The following PNLIPRP1 variants were observed in gnomAD, a reference collection of about 807,000 sequenced individuals.
PNLIPRP1 encodes the protein pancreatic lipase related protein 1.
Under a neutral mutation model 54.6 loss-of-function variants are expected in PNLIPRP1, and 57 were observed. The observed-to-expected ratio is 1.04, with a 90% CI of 0.84 to 1.30. The LOEUF (loss-of-function observed/expected upper bound fraction) is 1.30. PNLIPRP1 is among the 50% of genes most tolerant of loss of function. PNLIPRP1 has a pLI of 0.00. For missense variants in PNLIPRP1, 567 were observed against 568.5 expected (o/e 1.00, Z 0.03); for synonymous variants, 232 against 208.8 (o/e 1.11, Z -0.96).
At chr10:116,607,869 G>A (rs1006370007) in intron 12 of PNLIPRP1, among the ~76,000 whole-genome samples, 21 of 152,186 alleles carry the variant, frequency 1.4e-4, no homozygotes, top group African/African-American at 4.8e-4. Context: ...GTGGGAGAAT[G>A]ACTGAGATGG....
Position 116,597,918 on chromosome 10 carries a change from C to A in PNLIPRP1, c.665C>A (p.Thr222Lys). 1 of 1,614,226 alleles carries A rather than the reference C, an allele frequency of 6.2e-7. No individual in the cohort carries two copies. Among genetic ancestry groups the A allele is most frequent in the Non-Finnish European group, 8.5e-7 (1 of 1,180,032 alleles). Residue 222 changes from threonine to lysine, a missense_variant, in exon 7 of 13, where the codon ACG becomes AAG. Physicochemically the swap from Thr to Lys is moderately conservative, Grantham distance 78 (BLOSUM62 -1). Coordinates refer to ENST00000358834, the MANE Select transcript of PNLIPRP1 (RefSeq NM_006229.4). ...GCTGACTTTGTTGATGTGATTCACA[C>A]GGATGCAGCTCCCCTGATCCCATTC... ...SDADFVDVIH[T>K]DAAPLIPFLG...
intron 5 of PNLIPRP1, 77 bp from the exon 6 acceptor site, chr10:116,596,137 G>A (rs775825078): frequency 6.0e-5 from 57 of 946,288 alleles, no homozygotes; most frequent in East Asian, 4.6e-4. Flanking sequence ...TTCAGCAGAG[G>A]AGTAATATCC....
chr10:116,592,005 T>G, intron 3 of PNLIPRP1, 80 bp downstream of exon 3: 6 of 1,466,268 alleles, frequency 4.1e-6, no homozygotes, highest in Non-Finnish European at 5.6e-6. Context: ...ACCTTATCTC[T>G]GTGCCCTCTT....
At chr10:116,600,327 G>C (rs1554864603) in intron 9 of PNLIPRP1, 162 bp downstream of exon 9, 1 of 547,708 alleles carries the variant, frequency 1.8e-6, no homozygotes, top group African/African-American at 1.9e-5. Context: ...AACAACTTTT[G>C]GCAGGAGATG....
rs1847764054 is a variant in PNLIPRP1, at chr10:116,597,882, A to T, written c.629A>T (p.Asp210Val). 1 of 1,614,054 alleles carries T rather than the reference A, an allele frequency of 6.2e-7. No homozygotes were observed. Among genetic ancestry groups the T allele is most frequent in the Non-Finnish European group, 8.5e-7 (1 of 1,180,038 alleles). Reference sequence around the variant, plus strand: ...AGTACTCCTGAAGAGGTGCGACTTGATCCCTCTGATGCTGACTTTGTTGAT... The same window carrying T: ...AGTACTCCTGAAGAGGTGCGACTTGTTCCCTCTGATGCTGACTTTGTTGAT... Reference protein sequence around the residue: ...FESTPEEVRLDPSDADFVDVI... With the variant: ...FESTPEEVRLVPSDADFVDVI... Residue 210 changes from aspartate to valine, a missense_variant, in exon 7 of 13, where the codon GAT becomes GTT. Physicochemically the swap from Asp to Val is radical, Grantham distance 152 (BLOSUM62 -3). Transcript: ENST00000358834.
intron 11 of PNLIPRP1, among the ~76,000 whole-genome samples, chr10:116,604,685 T>TTC (rs1847907732): frequency 7.0e-6 from 1 of 142,632 alleles, no homozygotes; most frequent in South Asian, 2.3e-4. Context: ...CTCTCTCTTT[T>TTC]TTTTTTTTTT....
At chr10:116,591,320 G>C (rs571401712) in intron 2 of PNLIPRP1, 142 bp downstream of exon 2, 8 of 662,214 alleles carry the variant, frequency 1.2e-5, no homozygotes, top group South Asian at 1.9e-5. Context: ...CTGCCTGGGA[G>C]AGTAGGCTGG....
intron 11 of PNLIPRP1, 151 bp from the exon 12 acceptor site, chr10:116,605,235 T>G (rs550358643): frequency 2.0e-6 from 1 of 491,150 alleles, no homozygotes; most frequent in East Asian, 3.1e-5. Context: ...TGCTAGCATA[T>G]AGCTGGCTTT....
chr10:116,604,110 G>C lies in PNLIPRP1; in HGVS notation c.1144G>C (p.Gly382Arg). Residue 382 changes from glycine (G) to arginine (R), a missense_variant, in exon 11 of 13, where the codon GGA becomes CGA. Transcript: ENST00000358834. Reference sequence around the variant, plus strand: ...CAAAGTTGCTTTGTTTGGAAATAAGGGAAACACTCACCAGTACAGTATCTT... The same window carrying C: ...CAAAGTTGCTTTGTTTGGAAATAAGCGAAACACTCACCAGTACAGTATCTT... ...QIKVALFGNKGNTHQYSIFRG... is the reference protein window; with the variant it reads ...QIKVALFGNKRNTHQYSIFRG... The C allele has an allele frequency of 6.2e-7, 1 of 1,609,488 alleles. No homozygotes were observed. Among genetic ancestry groups the C allele is most frequent in the Non-Finnish European group, 8.5e-7 (1 of 1,175,966 alleles).
intron 12 of PNLIPRP1, among the ~76,000 whole-genome samples, chr10:116,607,292 T>C (rs1293493769): frequency 1.2e-4 from 19 of 152,162 alleles, no homozygotes; most frequent in African/African-American, 4.6e-4. Context: ...ACCTATTGTA[T>C]GGCCTGGCAA....
chr10:116,602,699 G>A (rs782418991), intron 10 of PNLIPRP1, among the ~76,000 whole-genome samples: 2 of 152,222 alleles, frequency 1.3e-5, no homozygotes, highest in Non-Finnish European at 2.9e-5. Context: ...AATCATGTCT[G>A]TGTATATTAA....
At chr10:116,592,624 A>C in intron 4 of PNLIPRP1, 83 bp downstream of exon 4, 1 of 1,488,262 alleles carries the variant, frequency 6.7e-7, no homozygotes, top group African/African-American at 1.4e-5. Context: ...CACTCAAGAA[A>C]TCTTTACATA....
At chr10:116,592,931 G>A (rs1847666236) in intron 4 of PNLIPRP1, 1 of 347,342 alleles carries the variant, frequency 2.9e-6, no homozygotes, top group Non-Finnish European at 5.6e-6. Context: ...ACTTTGGGAG[G>A]CCAAGGTGGA....
intron 4 of PNLIPRP1, chr10:116,592,823 C>A: frequency 4.5e-6 from 2 of 448,684 alleles, no homozygotes; most frequent in Non-Finnish European, 8.4e-6. Context: ...TACTTTGTAT[C>A]CTATAAGCGA....
chr10:116,600,316 A>G, intron 9 of PNLIPRP1, 151 bp downstream of exon 9: 1 of 582,474 alleles, frequency 1.7e-6, no homozygotes, highest in Non-Finnish European at 3.1e-6. Flanking sequence ...AAAAAAAAGT[A>G]AACAACTTTT....
intron 6 of PNLIPRP1, among the ~76,000 whole-genome samples, chr10:116,596,525 T>C (rs544666427): frequency 6.6e-6 from 1 of 152,290 alleles, no homozygotes; most frequent in African/African-American, 2.4e-5. Flanking sequence ...GGTGATTTTG[T>C]TCCTCTTTGC....
intron 5 of PNLIPRP1, 29 bp from the exon 6 acceptor site, chr10:116,596,185 G>A: frequency 6.8e-7 from 1 of 1,462,506 alleles, no homozygotes; most frequent in Non-Finnish European, 9.6e-7. Flanking sequence ...AGCAAAAAAT[G>A]TCCTGAAAAT....
chr10:116,598,230 T>C, intron 8 of PNLIPRP1, 64 bp downstream of exon 8: 2 of 1,424,456 alleles, frequency 1.4e-6, no homozygotes, highest in Non-Finnish European at 1.9e-6. Context: ...AATACCTTTC[T>C]GCAGCAAATC....
chr10:116,606,951 G>T (rs144596918), intron 12 of PNLIPRP1, among the ~76,000 whole-genome samples: 1 of 151,950 alleles, frequency 6.6e-6, no homozygotes, highest in African/African-American at 2.4e-5. Flanking sequence ...AAACTAGTTT[G>T]GGAAGTAAAA....
Sources: gnomAD v4.1 joint callset for allele counts (sites outside exome capture counted in the v4.1 genomes callset) on GRCh38, gnomAD v4.1.1 for gene constraint, MANE v1.5 for transcripts, NCBI Gene and HGNC (gene_info 2026-07-23, HGNC 2026-07-21) for gene names.